SEMA6A: variants seen among roughly 807,000 people sequenced by gnomAD.
The protein encoded by SEMA6A is semaphorin-6A.
In SEMA6A, 25 loss-of-function variants were observed where a neutral mutation model predicts 96.8. The ratio of observed to expected loss-of-function variants is 0.26; its 90% confidence interval spans 0.19 to 0.36. SEMA6A has a LOEUF of 0.36. Ranked by LOEUF, SEMA6A falls within the 10% of genes least tolerant of loss-of-function variation. SEMA6A has a pLI of 1.00. For synonymous variants in SEMA6A, 612 were observed against 518.0 expected (o/e 1.18, Z -2.46); for missense variants, 1,363 against 1,323.1 (o/e 1.03, Z -0.47).
intron 1 of SEMA6A, among the ~76,000 whole-genome samples, chr5:116,559,373 C>G (rs1207524471): frequency 1.3e-5 from 2 of 152,182 alleles, no homozygotes; most frequent in Admixed American, 1.3e-4. Context: ...GGCCGGAAGA[C>G]AGGTACCCCC....
chr5:116,475,085 C>G (rs1227818743), intron 16 of SEMA6A, among the ~76,000 whole-genome samples: 4 of 152,070 alleles, frequency 2.6e-5, no homozygotes, highest in Non-Finnish European at 5.9e-5. Flanking sequence ...GTAATAGACA[C>G]AAATCTAATT....
intron 18 of SEMA6A, among the ~76,000 whole-genome samples, chr5:116,458,333 C>T (rs572358041): frequency 6.6e-6 from 1 of 152,222 alleles, no homozygotes; most frequent in East Asian, 1.9e-4. Context: ...CCCCGTAGTC[C>T]TTGAAAGTTC....
chr5:116,572,430 C>T (rs1761258204), intron 1 of SEMA6A, among the ~76,000 whole-genome samples: 1 of 152,216 alleles, frequency 6.6e-6, no homozygotes, highest in African/African-American at 2.4e-5. Context: ...CCGGAGACTC[C>T]CTGGAAGTGC....
chr5:116,551,484 A>G (rs1254313088), intron 1 of SEMA6A, among the ~76,000 whole-genome samples: 1 of 152,180 alleles, frequency 6.6e-6, no homozygotes, highest in Non-Finnish European at 1.5e-5. Context: ...GAATGTATAC[A>G]TATGGACTAA....
intron 1 of SEMA6A, among the ~76,000 whole-genome samples, chr5:116,537,332 T>A (rs1759760502): frequency 6.6e-6 from 1 of 152,170 alleles, no homozygotes; most frequent in Non-Finnish European, 1.5e-5. Context: ...TTAAATGACT[T>A]ACTCAAAGAC....
Position 116,446,830 on chromosome 5 carries a change from G to C in SEMA6A, c.2876C>G (p.Pro959Arg). 6.2e-7 allele frequency: 1 copy of C among 1,613,948 alleles called. No homozygotes were observed. The highest frequency in any genetic ancestry group is 1.1e-5 in the South Asian group (1 of 91,076). ...GTCCACCCTCTGCGGGGCGGGCGGC[G>C]GGTTGTCTCCCCTGCCAAAGCTCTG... Reference protein sequence around the residue: ...RNQSFGRGDNPPPAPQRVDSI... With the variant: ...RNQSFGRGDNRPPAPQRVDSI... The change falls in exon 19 of 19, where the codon CCG becomes CGG. Residue 959 changes from proline (P) to arginine (R), a missense_variant. Coordinates refer to ENST00000343348, the MANE Select transcript of SEMA6A (RefSeq NM_020796.5).
intron 1 of SEMA6A, among the ~76,000 whole-genome samples, chr5:116,523,792 T>C (rs1759080183): frequency 6.6e-6 from 1 of 152,084 alleles, no homozygotes; most frequent in South Asian, 2.1e-4. Context: ...TGTGAAAAAT[T>C]TTAGTAGAAC....
rs145369567 is a variant in SEMA6A, at chr5:116,560,079, C to T, written c.-39+14106G>A. Among the ~76,000 whole-genome samples, 91 of 152,276 alleles carry T rather than the reference C, an allele frequency of 6.0e-4. 1 individual carries two copies. The East Asian group carries it at 0.015, about 25-fold the overall frequency. On this transcript the variant is annotated intron_variant, in intron 1 of 18. Transcript: ENST00000343348. Reference sequence around the variant, plus strand: ...TGTTCTGGGGCCAAGTCCTACATTCCCCACCTCTGGGCTTTGCTCCTGCTT... The same window carrying T: ...TGTTCTGGGGCCAAGTCCTACATTCTCCACCTCTGGGCTTTGCTCCTGCTT...
chr5:116,547,410 A>C (rs1760229490), intron 1 of SEMA6A, among the ~76,000 whole-genome samples: 1 of 152,210 alleles, frequency 6.6e-6, no homozygotes, highest in African/African-American at 2.4e-5. Flanking sequence ...ATAGAAAATT[A>C]ACTCCTAAGA....
chr5:116,521,059 A>T (rs564316545), intron 1 of SEMA6A, among the ~76,000 whole-genome samples: 28 of 152,360 alleles, frequency 1.8e-4, no homozygotes, highest in African/African-American at 6.0e-4. Context: ...TGTATAGGAT[A>T]TAGATCTACA....
intron 1 of SEMA6A, among the ~76,000 whole-genome samples, chr5:116,520,390 A>G (rs1373988002): frequency 1.3e-5 from 2 of 151,864 alleles, no homozygotes; most frequent in Non-Finnish European, 2.9e-5. Flanking sequence ...TGGTCTTATT[A>G]ATCACTGTAT....
At chr5:116,542,203 C>T (rs1226730012) in intron 1 of SEMA6A, among the ~76,000 whole-genome samples, 1 of 152,158 alleles carries the variant, frequency 6.6e-6, no homozygotes, top group Non-Finnish European at 1.5e-5. Context: ...ACAGCTGTTA[C>T]CTGCTAACCA....
At chr5:116,525,154 G>C (rs929779670) in intron 1 of SEMA6A, among the ~76,000 whole-genome samples, 6 of 152,158 alleles carry the variant, frequency 3.9e-5, no homozygotes, top group African/African-American at 1.4e-4. Context: ...AGCACCTACT[G>C]TGTGCCAGGC....
At chr5:116,464,545 A>G (rs1271723206) in intron 18 of SEMA6A, among the ~76,000 whole-genome samples, 1 of 152,164 alleles carries the variant, frequency 6.6e-6, no homozygotes, top group East Asian at 1.9e-4. Flanking sequence ...GTATATACAT[A>G]CAGCATCAGA....
intron 1 of SEMA6A, among the ~76,000 whole-genome samples, chr5:116,561,990 A>G (rs1024496251): frequency 2.0e-5 from 3 of 151,982 alleles, no homozygotes; most frequent in South Asian, 2.1e-4. Context: ...TATCCAAAAG[A>G]TGTGTTACCT....
In SEMA6A at chr5:116,447,302, C is replaced by T. The variant is rs764076664; in HGVS notation, c.2404G>A (p.Asp802Asn). 2 of 1,613,782 alleles carry T rather than the reference C, an allele frequency of 1.2e-6. No individual in the cohort carries two copies. The highest frequency in any genetic ancestry group is 3.3e-5 in the Admixed American group (2 of 60,022). ...PPMGSPVIPT[D>N]LPLRASPSHI... is the part of the protein sequence containing the mutation. The stretch of plus-strand genomic sequence containing the variant: ...CTGGGGGAGGCCCGCAGGGGCAGGT[C>T]CGTGGGAATCACAGGGGAGCCCATG... The change falls in exon 19 of 19, where the codon GAC (aspartate) becomes AAC (asparagine). Residue 802 changes from aspartate (D) to asparagine (N), a missense_variant. Transcript: ENST00000343348.
Position 116,488,151 on chromosome 5 carries a change from A to T in SEMA6A, c.701T>A (p.Phe234Tyr), listed in dbSNP as rs754356093. The T allele has an allele frequency of 1.2e-6, 2 of 1,612,500 alleles. No homozygotes were observed. The highest frequency in any genetic ancestry group is 8.5e-7 in the Non-Finnish European group (1 of 1,179,146). ...QAVDYGDYIY[F>Y]FFREIAVEYN... ...CTCCACTGCTATTTCCCTGAAGAAG[A>T]AGTAGATATAATCTCCGTAATCCAC... Residue 234 changes from phenylalanine to tyrosine, a missense_variant, in exon 9 of 19, where the codon TTC becomes TAC. Physicochemically the swap from Phe to Tyr is conservative, Grantham distance 22. Coordinates refer to ENST00000343348, the MANE Select transcript of SEMA6A (RefSeq NM_020796.5).
chr5:116,448,749 A>C (rs1264619001), intron 18 of SEMA6A, among the ~76,000 whole-genome samples: 11 of 83,802 alleles, frequency 1.3e-4, no homozygotes, highest in South Asian at 4.7e-4. Context: ...ATTTTGCATC[A>C]CCTCTCAAAA....
At chr5:116,554,686 C>G (rs1760542819) in intron 1 of SEMA6A, 1 of 152,078 alleles carries the variant, frequency 6.6e-6, no homozygotes, top group African/African-American at 2.4e-5. Context: ...TAAAAGGTTT[C>G]AATTAAGTAT....
Sources: gnomAD v4.1 joint callset for allele counts (sites outside exome capture counted in the v4.1 genomes callset) on GRCh38, gnomAD v4.1.1 for gene constraint, MANE v1.5 for transcripts, NCBI Gene and HGNC (gene_info 2026-07-23, HGNC 2026-07-21) for gene names.